The following ORC4 variants were observed in gnomAD, a reference collection of about 807,000 sequenced individuals.
ORC4 encodes the protein origin recognition complex, subunit 4 homolog.
ORC4 carries 55 observed loss-of-function variants against 63.9 expected under a neutral mutation model. That is an observed-to-expected ratio of 0.86 (90% CI 0.69 to 1.08). The LOEUF is 1.08. ORC4 is among the 50% of genes least tolerant of loss of function. The pLI is 0.00. For synonymous variants in ORC4, 150 were observed against 168.5 expected, an observed-to-expected ratio of 0.89 and a Z score of 0.85; for missense variants, 511 against 504.4, an observed-to-expected ratio of 1.01 and a Z score of -0.13.
chr2:147,958,732 C>A, intron 5 of ORC4, 59 bp downstream of exon 5: 2 of 840,524 alleles, frequency 2.4e-6, no homozygotes, highest in South Asian at 2.8e-5. Flanking sequence ...ATATACAAGT[C>A]ATATAAAAAC....
rs147071460 is a variant in ORC4 at position 147,964,863 on chromosome 2, C to T, written c.226-5997G>A. Among the ~76,000 whole-genome samples, 1,062 of 152,070 alleles carry T rather than the reference C, an allele frequency of 7.0e-3. 8 individuals are homozygous for T. Among genetic ancestry groups the T allele is most frequent in the African/African-American group, 0.024 (998 of 41,468 alleles). On this transcript the variant is annotated intron_variant, in intron 4 of 13. Transcript: ENST00000392857. ...TTTAGCTGATTGTCAGAATATACAA[C>T]AGCAGATTTCTTAAGAGAAACCTGA...
chr2:147,952,834 C>A (rs535856398), intron 7 of ORC4, among the ~76,000 whole-genome samples: 30 of 151,644 alleles, frequency 2.0e-4, no homozygotes, highest in Middle Eastern at 3.5e-3. Context: ...CGAGACCAGC[C>A]TGACAAACAT....
intron 1 of ORC4, among the ~76,000 whole-genome samples, chr2:147,999,925 C>A (rs1210532742): frequency 4.0e-5 from 6 of 151,076 alleles, no homozygotes; most frequent in African/African-American, 1.2e-4. Flanking sequence ...AATTTTAATT[C>A]ATAAAAAGAA....
chr2:148,010,848 C>CTTTTTTT (rs201359357), intron 1 of ORC4, among the ~76,000 whole-genome samples: 10 of 98,534 alleles, frequency 1.0e-4, no homozygotes, highest in East Asian at 5.9e-4. Context: ...CAGATTTATT[C>CTTTTTTT]TTTTTTTTTT....
chr2:147,958,571 A>T (rs1407987337), intron 5 of ORC4, 188 bp from the exon 6 acceptor site: 3 of 292,432 alleles, frequency 1.0e-5, no homozygotes, highest in Non-Finnish European at 1.3e-5. Flanking sequence ...TAGAATGATT[A>T]AAAAAAAAAA....
chr2:147,942,994 C>A (rs1282843944), intron 10 of ORC4, among the ~76,000 whole-genome samples: 1 of 151,790 alleles, frequency 6.6e-6, no homozygotes, highest in Non-Finnish European at 1.5e-5. Context: ...ATGTGGGAAA[C>A]CAAAATTTCA....
At chr2:147,990,522 T>A (rs1294115330) in intron 1 of ORC4, among the ~76,000 whole-genome samples, 1 of 152,348 alleles carries the variant, frequency 6.6e-6, no homozygotes, top group East Asian at 1.9e-4. Context: ...ACTCTGTTAG[T>A]TCTTCCTAAA....
At chr2:148,002,219 AC>A (rs1692358903) in intron 1 of ORC4, among the ~76,000 whole-genome samples, 1 of 152,166 alleles carries the variant, frequency 6.6e-6, no homozygotes, top group Non-Finnish European at 1.5e-5. Context: ...CAGAAAATTA[AC>A]AAGGACACTC....
intron 1 of ORC4, among the ~76,000 whole-genome samples, chr2:147,986,814 C>CA (rs397986185): frequency 6.6e-6 from 1 of 150,734 alleles, no homozygotes; most frequent in Non-Finnish European, 1.5e-5. Context: ...CACACACACA[C>CA]TAGTGACCTT....
intron 10 of ORC4, among the ~76,000 whole-genome samples, chr2:147,941,993 C>G (rs866326939): frequency 6.6e-6 from 1 of 152,094 alleles, no homozygotes; most frequent in African/African-American, 2.4e-5. Context: ...AGGACACAAA[C>G]TTGAAGCCAG....
chr2:147,937,335 T>C (rs1054476627), intron 13 of ORC4, among the ~76,000 whole-genome samples: 1 of 152,122 alleles, frequency 6.6e-6, no homozygotes, highest in African/African-American at 2.4e-5. Context: ...AATTTTTTTT[T>C]AAACTTAAAA....
chr2:147,953,280 G>T (rs552339315), intron 7 of ORC4, among the ~76,000 whole-genome samples: 2 of 152,134 alleles, frequency 1.3e-5, no homozygotes, highest in South Asian at 4.2e-4. Context: ...ATTCTAGCCT[G>T]GGCAACAAGA....
At chr2:147,939,677 A>G (rs1688255327) in intron 10 of ORC4, among the ~76,000 whole-genome samples, 1 of 152,144 alleles carries the variant, frequency 6.6e-6, no homozygotes. Flanking sequence ...TTTAGACAGA[A>G]GTTAGCTGTT....
rs1343530915 is a variant in ORC4, at chr2:147,934,909, C to G, written c.*601G>C. ...TCAACAATCTGTAATTTTAGAAAAT[C>G]CTACAAGGGATTCTGATGTGGATGG... is the stretch of plus-strand genomic sequence containing the variant. On this transcript the variant is annotated 3_prime_UTR_variant, in exon 14 of 14. Coordinates refer to ENST00000392857, the MANE Select transcript of ORC4 (RefSeq NM_181741.4). 1.3e-5 allele frequency: 2 copies of G among 152,236 alleles called. No individual in the cohort carries two copies. Among genetic ancestry groups the G allele is most frequent in the Non-Finnish European group, 2.9e-5 (2 of 68,162 alleles). 9.4% of individuals were successfully genotyped at this position (152,236 alleles called of 1,614,324 possible).
intron 1 of ORC4, among the ~76,000 whole-genome samples, chr2:147,984,749 T>A (rs1203120087): frequency 6.6e-6 from 1 of 152,248 alleles, no homozygotes; most frequent in Non-Finnish European, 1.5e-5. Context: ...CATTTCCCCA[T>A]GACAGTAAGT....
intron 8 of ORC4, among the ~76,000 whole-genome samples, chr2:147,950,512 A>T (rs931450671): frequency 2.0e-5 from 3 of 152,214 alleles, no homozygotes; most frequent in African/African-American, 7.2e-5. Context: ...CACGCCTGTA[A>T]TCCCAGCACT....
At chr2:147,982,213 T>A (rs1321003983) in intron 1 of ORC4, 7 of 152,232 alleles carry the variant, frequency 4.6e-5, no homozygotes, top group African/African-American at 1.7e-4. Flanking sequence ...TAAAGTTTTA[T>A]CTTATTCTAT....
chr2:147,979,909 T>C (rs972745019), intron 1 of ORC4, among the ~76,000 whole-genome samples: 3 of 152,076 alleles, frequency 2.0e-5, no homozygotes, highest in Non-Finnish European at 4.4e-5. Flanking sequence ...TTGCACACCA[T>C]ATACAAAGAT....
At chr2:147,953,026 CA>C (rs552675963) in intron 7 of ORC4, among the ~76,000 whole-genome samples, 54 of 127,918 alleles carry the variant, frequency 4.2e-4, no homozygotes, top group South Asian at 2.5e-3. Context: ...AACTCCATCT[CA>C]AAAAAAAAAA....
Sources: allele counts gnomAD v4.1 joint callset (sites outside exome capture counted in the v4.1 genomes callset), GRCh38; gene constraint gnomAD v4.1.1; transcripts MANE v1.5; gene names NCBI Gene and HGNC (gene_info 2026-07-23, HGNC 2026-07-21).